COA8: variants seen among roughly 807,000 people sequenced by gnomAD.
The protein encoded by COA8 is UPF0671 protein C14orf153.
A neutral mutation model predicts 22.0 loss-of-function variants in COA8; 20 were observed. The ratio of observed to expected loss-of-function variants is 0.91; its 90% CI spans 0.64 to 1.32. The LOEUF (loss-of-function observed/expected upper bound fraction) is 1.32. Ranked by LOEUF, COA8 falls within the 40% of genes most tolerant of loss-of-function variation. The pLI is 0.00. For missense variants in COA8, 266 were observed against 230.0 expected (o/e 1.16, Z -1.01); for synonymous variants, 105 against 79.9 (o/e 1.31, Z -1.68).
At chr14:103,563,334 G>A (rs374189116) in intron 1 of COA8, 28 of 726,524 alleles carry the variant, frequency 3.9e-5, no homozygotes, top group African/African-American at 3.5e-4. Flanking sequence ...CCACCACGCC[G>A]GGGACTGTTG....
chr14:103,582,631 C>T (rs533741501), intron 3 of COA8, among the ~76,000 whole-genome samples: 50 of 151,712 alleles, frequency 3.3e-4, no homozygotes, highest in South Asian at 1.2e-3. Context: ...ACCCGTCACT[C>T]GTTGTGTATG....
intron 4 of COA8, 45 bp downstream of exon 4, chr14:103,587,409 A>G: frequency 1.5e-6 from 2 of 1,348,488 alleles, no homozygotes; most frequent in Non-Finnish European, 2.1e-6. Context: ...GCACATCCAG[A>G]TTAGGTAGGA....
At position 103,581,120 on chromosome 14, in the gene COA8, A is replaced by T. The variant is rs2076264502; in HGVS notation, c.386-6154A>T. ...CAGCCTGTTACACCATTTTATATAA[A>T]GGATTTGAGCATCCTGAAATGTTGG... On this transcript the variant is annotated intron_variant, in intron 3 of 4. Transcript: ENST00000409074. The surrounding 1 kb of genome is among the most constrained non-coding windows in gnomAD (Gnocchi z 4.1). 6.6e-6 allele frequency among the ~76,000 whole-genome samples: 1 copy of T among 152,124 alleles called. No individual in the cohort carries two copies. Among genetic ancestry groups the T allele is most frequent in the Non-Finnish European group, 1.5e-5 (1 of 68,024 alleles).
At chr14:103,589,039 C>T (rs1402949279) in intron 4 of COA8, among the ~76,000 whole-genome samples, 1 of 152,144 alleles carries the variant, frequency 6.6e-6, no homozygotes, top group Non-Finnish European at 1.5e-5. Flanking sequence ...GGGGCACAGT[C>T]TCTGATGGGC....
At chr14:103,583,410 G>A (rs1162636316) in intron 3 of COA8, among the ~76,000 whole-genome samples, 2 of 151,710 alleles carry the variant, frequency 1.3e-5, no homozygotes, top group Non-Finnish European at 2.9e-5. Context: ...GTGTGGTGGC[G>A]GGCGCCTGTA....
intron 1 of COA8, among the ~76,000 whole-genome samples, chr14:103,565,342 G>A (rs760431406): frequency 7.2e-5 from 11 of 151,870 alleles, no homozygotes; most frequent in Non-Finnish European, 1.2e-4. Flanking sequence ...TTAAAACTCA[G>A]CTTTTCAGAA....
chr14:103,587,416 A>C, intron 4 of COA8, 52 bp downstream of exon 4: 2 of 1,286,784 alleles, frequency 1.6e-6, no homozygotes. Context: ...CAGATTAGGT[A>C]GGAGTGTTTT....
chr14:103,576,650 A>C (rs1157771193), intron 3 of COA8, among the ~76,000 whole-genome samples: 1 of 152,208 alleles, frequency 6.6e-6, no homozygotes, highest in Non-Finnish European at 1.5e-5. Context: ...CTCCTAGGCC[A>C]CTGCCTTACC....
chr14:103,588,480 A>ATATAT (rs1555414272), intron 4 of COA8, among the ~76,000 whole-genome samples: 5 of 143,808 alleles, frequency 3.5e-5, no homozygotes, highest in African/African-American at 9.8e-5. Context: ...TAATTAAAAA[A>ATATAT]ATATATATAT....
chr14:103,585,889 GTTTT>G (rs796235723), intron 3 of COA8, among the ~76,000 whole-genome samples: 1 of 144,986 alleles, frequency 6.9e-6, no homozygotes, highest in Admixed American at 6.9e-5. Context: ...CTTTTTTGTT[GTTTT>G]TTGTTTTTTT....
intron 2 of COA8, among the ~76,000 whole-genome samples, chr14:103,573,575 CAG>C (rs796960763): frequency 1.1e-4 from 16 of 150,224 alleles, no homozygotes; most frequent in African/African-American, 3.9e-4. Flanking sequence ...TGTTTTGAGA[CAG>C]AGTCTCACTC....
At chr14:103,571,255 G>A (rs1320353133) in intron 1 of COA8, among the ~76,000 whole-genome samples, 1 of 152,110 alleles carries the variant, frequency 6.6e-6, no homozygotes, top group Non-Finnish European at 1.5e-5. Context: ...TGTAGTCCCA[G>A]CTACTTGGGA....
intron 2 of COA8, among the ~76,000 whole-genome samples, chr14:103,573,308 T>G (rs2076202938): frequency 6.6e-6 from 1 of 151,800 alleles, no homozygotes; most frequent in Non-Finnish European, 1.5e-5. Context: ...TAGCTGGGAT[T>G]ACAGGCGCCC....
intron 3 of COA8, among the ~76,000 whole-genome samples, chr14:103,584,565 A>G (rs986726443): frequency 1.3e-4 from 20 of 151,990 alleles, no homozygotes; most frequent in Non-Finnish European, 2.8e-4. Context: ...ATGATCACGA[A>G]CTCTGTGTTT....
chr14:103,588,560 T>C (rs142007859), intron 4 of COA8, among the ~76,000 whole-genome samples: 18 of 152,010 alleles, frequency 1.2e-4, no homozygotes, highest in African/African-American at 3.6e-4. Context: ...AATGTCGACA[T>C]GGGCCAGGCA....
chr14:103,570,123 C>T (rs2076171571), intron 1 of COA8, among the ~76,000 whole-genome samples: 1 of 152,122 alleles, frequency 6.6e-6, no homozygotes, highest in African/African-American at 2.4e-5. Context: ...TCCCAAAGTG[C>T]TGGGATTACA....
chr14:103,587,653 A>G (rs911883948), intron 4 of COA8, among the ~76,000 whole-genome samples: 32 of 150,582 alleles, frequency 2.1e-4, no homozygotes, highest in East Asian at 2.0e-4. Flanking sequence ...GACTACAGGC[A>G]CCCGCCAGCA....
intron 1 of COA8, among the ~76,000 whole-genome samples, chr14:103,569,546 C>T (rs1324622052): frequency 1.3e-5 from 2 of 152,168 alleles, no homozygotes; most frequent in Non-Finnish European, 2.9e-5. Flanking sequence ...GATGGGGAGC[C>T]TGTGAGCAGA....
At chr14:103,568,119 G>A (rs2076148706) in intron 1 of COA8, among the ~76,000 whole-genome samples, 1 of 152,204 alleles carries the variant, frequency 6.6e-6, no homozygotes, top group Admixed American at 6.5e-5. Flanking sequence ...AGAACAGGAA[G>A]CAAGAACGCT....
Sources: allele counts gnomAD v4.1 joint callset (sites outside exome capture counted in the v4.1 genomes callset), GRCh38; gene constraint gnomAD v4.1.1; non-coding constraint Gnocchi (gnomAD v3.1); transcripts MANE v1.5; gene names NCBI Gene and HGNC (gene_info 2026-07-23, HGNC 2026-07-21).